Variants in GRHL2 observed in about 807,000 individuals in gnomAD.
GRHL2 encodes the protein grainyhead like transcription factor 2.
GRHL2 carries 21 observed loss-of-function variants against 83.8 expected under a neutral mutation model. That is an observed-to-expected ratio of 0.25 (90% CI 0.18 to 0.36). The LOEUF (loss-of-function observed/expected upper bound fraction) is 0.36, where lower values mean the gene tolerates loss of function less well. GRHL2 is among the 10% of genes least tolerant of loss of function. The probability of loss-of-function intolerance (pLI) is 1.00; values close to 1 mark genes in which losing one functional copy is unlikely to be tolerated. For missense variants in GRHL2, 623 were observed against 781.8 expected (o/e 0.80, Z 2.42); for synonymous variants, 280 against 278.9 (o/e 1.00, Z -0.04).
intron 14 of GRHL2, among the ~76,000 whole-genome samples, chr8:101,658,117 A>G (rs1392169989): frequency 1.3e-5 from 2 of 152,212 alleles, no homozygotes; most frequent in Admixed American, 1.3e-4. Context: ...GCAGGCAGGG[A>G]ACACTGTCCC....
chr8:101,547,340 G>A (rs542290902), intron 2 of GRHL2, among the ~76,000 whole-genome samples: 24 of 152,256 alleles, frequency 1.6e-4, no homozygotes, highest in Admixed American at 2.6e-4. Flanking sequence ...TGCCTCTTCA[G>A]AGGATGAATT....
chr8:101,555,283 G>A (rs989807890), intron 3 of GRHL2, among the ~76,000 whole-genome samples: 8 of 152,150 alleles, frequency 5.3e-5, no homozygotes. Flanking sequence ...ACCTGTAGGG[G>A]CTTATCCCCA....
chr8:101,640,457 C>T (rs1813379360), intron 12 of GRHL2, among the ~76,000 whole-genome samples: 1 of 152,048 alleles, frequency 6.6e-6, no homozygotes. Flanking sequence ...AGAGAATGGT[C>T]CTTTAATGTG....
At chr8:101,536,106 A>G (rs1184602536) in intron 1 of GRHL2, among the ~76,000 whole-genome samples, 1 of 152,222 alleles carries the variant, frequency 6.6e-6, no homozygotes, top group African/African-American at 2.4e-5. Flanking sequence ...AAGAATGGGC[A>G]TCTTTAGGAA....
intron 1 of GRHL2, among the ~76,000 whole-genome samples, chr8:101,541,622 A>T (rs763043365): frequency 6.6e-6 from 1 of 152,102 alleles, no homozygotes; most frequent in Non-Finnish European, 1.5e-5. Flanking sequence ...ATGTGCTGAC[A>T]TAGGTGTTAA....
chr8:101,552,757 G>T lies in GRHL2; in HGVS notation c.259G>T (p.Asp87Tyr), dbSNP rs1279463107. ...GCTGCTGTCTGTAAGCAAAGCAAGT[G>T]ACAGCCAAGAAGACCAGGAGAAAAG... ...KRLLSVSKASDSQEDQEKRNC... is the reference protein window; with the variant it reads ...KRLLSVSKASYSQEDQEKRNC... Residue 87 changes from aspartate to tyrosine, a missense_variant, in exon 3 of 16, where the codon GAC becomes TAC. Physicochemically the swap from Asp to Tyr is radical, Grantham distance 160. Around this residue, in one of 8 missense-constraint regions of GRHL2, gnomAD observed 239 missense variants for 240.5 expected, o/e 0.99. Transcript: ENST00000646743. 1 of 1,614,056 alleles carries T rather than the reference G, an allele frequency of 6.2e-7. No individual in the cohort carries two copies. The highest frequency in any genetic ancestry group is 1.7e-5 in the Admixed American group (1 of 60,024).
chr8:101,613,852 T>C (rs1462096679), intron 8 of GRHL2, among the ~76,000 whole-genome samples: 2 of 151,140 alleles, frequency 1.3e-5, no homozygotes, highest in Non-Finnish European at 2.9e-5. Flanking sequence ...GAAAAGAATT[T>C]TTTTTTCAGT....
At chr8:101,671,640 T>C (rs1407885839), downstream of GRHL2, among the ~76,000 whole-genome samples, 1 of 152,176 alleles carries the variant, frequency 6.6e-6, no homozygotes, top group Non-Finnish European at 1.5e-5. Flanking sequence ...AAGACAGCAG[T>C]AACCTCTGCA....
At chr8:101,542,899 C>A in intron 1 of GRHL2, 2 of 458,638 alleles carry the variant, frequency 4.4e-6, no homozygotes, top group Admixed American at 2.4e-5. Flanking sequence ...ATGACCTAAA[C>A]ACCTCTTAAA....
At chr8:101,616,865 C>T (rs1563609888) in intron 8 of GRHL2, among the ~76,000 whole-genome samples, 1 of 152,096 alleles carries the variant, frequency 6.6e-6, no homozygotes, top group Non-Finnish European at 1.5e-5. Flanking sequence ...TGAATGAATA[C>T]ATGAATTAAA....
chr8:101,609,024 G>A (rs909724858), intron 8 of GRHL2, among the ~76,000 whole-genome samples: 1 of 150,546 alleles, frequency 6.6e-6, no homozygotes, highest in Non-Finnish European at 1.5e-5. Flanking sequence ...AGAGAAGTTA[G>A]TGTTAATTGT....
At chr8:101,636,700 C>T in intron 11 of GRHL2, 197 bp from the exon 12 acceptor site, 2 of 589,454 alleles carry the variant, frequency 3.4e-6, no homozygotes, top group Admixed American at 2.6e-5. Flanking sequence ...TTATAAGGAA[C>T]TTAAATATGC....
intron 9 of GRHL2, among the ~76,000 whole-genome samples, chr8:101,626,026 C>G (rs1813072799): frequency 6.6e-6 from 1 of 151,976 alleles, no homozygotes; most frequent in African/African-American, 2.4e-5. Flanking sequence ...TTTTGAAGCT[C>G]TAATTTCAAA....
intron 2 of GRHL2, among the ~76,000 whole-genome samples, chr8:101,551,605 C>G (rs577894768): frequency 3.3e-5 from 5 of 149,760 alleles, no homozygotes; most frequent in South Asian, 2.1e-4. Context: ...GAAGGAAGAT[C>G]TGGAGATAGA....
the GRHL2 span, among the ~76,000 whole-genome samples, chr8:101,678,410 C>T: frequency 4.6e-5 from 7 of 152,138 alleles, no homozygotes; most frequent in South Asian, 2.1e-4. Context: ...GATTATATCC[C>T]GCACCTGGCT....
At chr8:101,677,215 T>TAATAAA in the GRHL2 span, among the ~76,000 whole-genome samples, 29 of 151,160 alleles carry the variant, frequency 1.9e-4, no homozygotes, top group Non-Finnish European at 3.7e-4. Context: ...ATAATAACAA[T>TAATAAA]AATAATAATA....
intron 1 of GRHL2, among the ~76,000 whole-genome samples, chr8:101,532,033 C>T (rs772606407): frequency 5.9e-5 from 9 of 152,228 alleles, no homozygotes; most frequent in Non-Finnish European, 1.0e-4. Flanking sequence ...CCATCTTTAA[C>T]GTGAAGCTAT....
At chr8:101,642,205 C>T (rs1232157600) in intron 12 of GRHL2, among the ~76,000 whole-genome samples, 1 of 152,174 alleles carries the variant, frequency 6.6e-6, no homozygotes, top group Middle Eastern at 3.2e-3. Context: ...ATTTGAGCCA[C>T]ATAAACTTAT....
At chr8:101,642,023 T>C (rs1813411894) in intron 12 of GRHL2, among the ~76,000 whole-genome samples, 1 of 152,204 alleles carries the variant, frequency 6.6e-6, no homozygotes, top group East Asian at 1.9e-4. Context: ...TTCTGAATTT[T>C]TTTATTGTGG....
Sources: gnomAD v4.1 joint callset for allele counts (sites outside exome capture counted in the v4.1 genomes callset) on GRCh38, gnomAD v4.1.1 for gene constraint, gnomAD v4.1.1 regional missense constraint, MANE v1.5 for transcripts, NCBI Gene and HGNC (gene_info 2026-07-23, HGNC 2026-07-21) for gene names.